Variants in SPMIP8 observed in about 807,000 individuals in gnomAD.
SPMIP8 encodes sperm microtubule inner protein 8.
At chr16:57,982,014 A>T in the SPMIP8 span, among the ~76,000 whole-genome samples, 1 of 152,162 alleles carries the variant, frequency 6.6e-6, no homozygotes, top group Non-Finnish European at 1.5e-5. Context: ...AGTTTACATG[A>T]TAAACATTTT....
At chr16:57,981,419 T>TATTATTATAATAATA in the SPMIP8 span, among the ~76,000 whole-genome samples, 1 of 140,186 alleles carries the variant, frequency 7.1e-6, no homozygotes, top group Non-Finnish European at 1.5e-5. Flanking sequence ...TAATAATTAT[T>TATTATTATAATAATA]ATTATTATTA....
the SPMIP8 span, chr16:57,985,527 C>T: frequency 1.2e-6 from 2 of 1,606,612 alleles, no homozygotes; most frequent in Admixed American, 1.7e-5. Flanking sequence ...CGGACAGAAG[C>T]CCCTGCCTTT....
chr16:57,985,355 G>C, the SPMIP8 span: 1 of 1,576,640 alleles, frequency 6.3e-7, no homozygotes, highest in Non-Finnish European at 8.6e-7. Context: ...GAGGGGGGAG[G>C]AGACCCAGAG....
the SPMIP8 span, chr16:57,984,506 G>T: frequency 8.0e-6 from 12 of 1,508,894 alleles, no homozygotes; most frequent in Non-Finnish European, 1.1e-5. Flanking sequence ...CCGGGTTCAC[G>T]ACTTCGGGCG....
the SPMIP8 span, chr16:57,984,156 G>A: frequency 1.1e-5 from 8 of 720,882 alleles, no homozygotes; most frequent in Admixed American, 1.2e-4. Context: ...CACCCGCCTC[G>A]GCCTCCTGAA....
the SPMIP8 span, among the ~76,000 whole-genome samples, chr16:57,978,786 T>A: frequency 6.6e-6 from 1 of 151,984 alleles, no homozygotes. Flanking sequence ...CTGCTGATTT[T>A]AAAAAATTAT....
the SPMIP8 span, among the ~76,000 whole-genome samples, chr16:57,981,386 AATAATAATTATTATTATT>A: frequency 5.7e-5 from 3 of 52,874 alleles, no homozygotes; most frequent in South Asian, 1.2e-3. Flanking sequence ...TCTCAATAAT[AATAATAATTATTATTATT>A]ATAATAATAA....
At chr16:57,976,614 C>T in the SPMIP8 span, 2 of 1,613,920 alleles carry the variant, frequency 1.2e-6, no homozygotes, top group East Asian at 2.2e-5. Flanking sequence ...CTGGGCCCTA[C>T]AGATAAGGTA....
the SPMIP8 span, chr16:57,985,227 C>T: frequency 6.5e-7 from 1 of 1,547,254 alleles, no homozygotes; most frequent in East Asian, 2.3e-5. Context: ...AGCGGCTACG[C>T]GGTGCGGTAC....
chr16:57,977,798 A>G, the SPMIP8 span: 1 of 1,606,860 alleles, frequency 6.2e-7, no homozygotes, highest in South Asian at 1.1e-5. Context: ...AGCCCCTTAG[A>G]ACCCTCTGCC....
the SPMIP8 span, chr16:57,987,199 G>C: frequency 4.4e-6 from 2 of 457,534 alleles, no homozygotes; most frequent in Non-Finnish European, 3.8e-6. Context: ...GAAGGATGAG[G>C]CACAGTCAAA....
the SPMIP8 span, chr16:57,987,201 A>C: frequency 2.2e-6 from 1 of 461,544 alleles, no homozygotes; most frequent in East Asian, 3.5e-5. Context: ...AGGATGAGGC[A>C]CAGTCAAAGG....
At chr16:57,977,585 GTA>G in the SPMIP8 span, among the ~76,000 whole-genome samples, 25,564 of 145,176 alleles carry the variant, frequency 0.18, 3,923 homozygotes, top group African/African-American at 0.43. Flanking sequence ...GTGTGTGTGT[GTA>G]TGTGTGTGTT....
At chr16:57,981,311 C>T in the SPMIP8 span, among the ~76,000 whole-genome samples, 3 of 148,776 alleles carry the variant, frequency 2.0e-5, no homozygotes, top group African/African-American at 5.0e-5. Flanking sequence ...ACCCAGGAGG[C>T]GGAGGTTGCA....
chr16:57,987,927 T>A, the SPMIP8 span: 1 of 153,192 alleles, frequency 6.5e-6, no homozygotes, highest in Non-Finnish European at 1.5e-5. Context: ...GGGGCTTCCC[T>A]GTGCCTGGGG....
chr16:57,977,551 C>T, the SPMIP8 span, among the ~76,000 whole-genome samples: 2 of 128,014 alleles, frequency 1.6e-5, no homozygotes, highest in African/African-American at 5.7e-5. Context: ...ACAGCCATGG[C>T]ACAATGTGAG....
the SPMIP8 span, among the ~76,000 whole-genome samples, chr16:57,983,367 A>AT: frequency 6.6e-6 from 1 of 152,006 alleles, no homozygotes; most frequent in Admixed American, 6.5e-5. Context: ...AAGTGGAAAT[A>AT]TTTTTTCCAT....
At chr16:57,977,849 C>T in the SPMIP8 span, 46 of 1,613,916 alleles carry the variant, frequency 2.9e-5, no homozygotes, top group East Asian at 4.5e-5. Context: ...TGCCCTGGGA[C>T]GATGGCTCCA....
the SPMIP8 span, chr16:57,984,444 G>T: frequency 1.3e-6 from 2 of 1,576,168 alleles, no homozygotes; most frequent in African/African-American, 2.7e-5. Context: ...TCTACACCCC[G>T]CGCACCTTCT....
Sources: gnomAD v4.1 joint callset for allele counts (sites outside exome capture counted in the v4.1 genomes callset) on GRCh38, gnomAD v4.1.1 for gene constraint, MANE v1.5 for transcripts, NCBI Gene and HGNC (gene_info 2026-07-23, HGNC 2026-07-21) for gene names.